Variants in PNP observed in about 807,000 individuals in gnomAD.
PNP encodes purine nucleoside phosphorylase.
A neutral mutation model predicts 26.8 loss-of-function variants in PNP; 18 were observed. That is an observed-to-expected ratio of 0.67 (90% CI 0.46 to 1.00). The LOEUF (loss-of-function observed/expected upper bound fraction) is 1.00, where lower values mean the gene tolerates loss of function less well. Ranked by LOEUF, PNP falls within the 50% of genes least tolerant of loss-of-function variation. The pLI is 0.00. For missense variants in PNP, 320 were observed against 362.9 expected (o/e 0.88, Z 0.96); for synonymous variants, 116 against 124.8 (o/e 0.93, Z 0.47).
intron 2 of PNP, 153 bp downstream of exon 2, chr14:20,472,630 G>T (rs962756941): frequency 6.4e-5 from 49 of 760,928 alleles, no homozygotes; most frequent in Non-Finnish European, 1.1e-4. Flanking sequence ...ATGAGTCAGA[G>T]TGACTTTAGG....
Position 20,476,861 on chromosome 14 carries a change from C to A in PNP, c.*260C>A. 5 of 482,390 alleles carry A rather than the reference C, an allele frequency of 1.0e-5. No individual in the cohort carries two copies. Among genetic ancestry groups the A allele is most frequent in the South Asian group, 1.0e-4 (5 of 49,104 alleles). The allele number at this position is 482,390 out of a possible 1,614,324, so 29.9% of individuals were successfully genotyped here. A position where few individuals can be genotyped will look rare whatever the true frequency, so the allele number is the denominator to read the frequency against. On this transcript the variant is annotated 3_prime_UTR_variant, in exon 6 of 6. Transcript: ENST00000361505. Reference sequence around the variant, plus strand: ...GTTCTCATTCCTGTTCTTTCTTACACAAGAGCTGGAGCCCGTGCCCTACCA... The same window carrying A: ...GTTCTCATTCCTGTTCTTTCTTACAAAAGAGCTGGAGCCCGTGCCCTACCA...
Position 20,475,155 on chromosome 14 carries a change from T to G in PNP, c.555T>G (p.Arg185=), listed in dbSNP as rs560419576. 14 of 1,614,104 alleles carry G rather than the reference T, an allele frequency of 8.7e-6. No homozygotes were observed. The South Asian group carries it at 1.5e-4, about 18-fold the overall frequency. ...CCTGGAAACAAATGGGGGAGCAACG[T>G]GAGCTACAGGAAGGCACCTATGTGA... ...LSTWKQMGEQ[R]ELQEGTYVMV... Residue 185 remains arginine, a synonymous_variant, in exon 5 of 6, where the codon CGT becomes CGG. Coordinates refer to ENST00000361505, the MANE Select transcript of PNP (RefSeq NM_000270.4).
chr14:20,470,245 T>C (rs1033455651), intron 1 of PNP, among the ~76,000 whole-genome samples: 2 of 152,252 alleles, frequency 1.3e-5, no homozygotes, highest in Non-Finnish European at 2.9e-5. Flanking sequence ...AGCCAGGGTG[T>C]TCTTGAGGGG....
At chr14:20,469,978 G>C (rs1332781279) in intron 1 of PNP, among the ~76,000 whole-genome samples, 3 of 152,182 alleles carry the variant, frequency 2.0e-5, no homozygotes, top group African/African-American at 7.2e-5. Flanking sequence ...CAAATTCGGA[G>C]TTCCTCCTTT....
rs555416658 is a variant in PNP, at chr14:20,474,056, AT to A, written c.182-413del. 32 of 233,942 alleles carry A rather than the reference AT, an allele frequency of 1.4e-4. No homozygotes were observed. The East Asian group carries it at 3.6e-3, about 27-fold the overall frequency. 14.5% of individuals were successfully genotyped at this position (233,942 alleles called of 1,614,324 possible). A position where few individuals can be genotyped will look rare whatever the true frequency, so the allele number is the denominator to read the frequency against. ...CCTTTCCGAGTCCCCAGTGTCTATT[AT>A]TTCACTCTGTAGGTCCATATGTACA... On this transcript the variant is annotated intron_variant, in intron 2 of 5. Coordinates refer to ENST00000361505, the MANE Select transcript of PNP (RefSeq NM_000270.4).
In PNP at chr14:20,474,419, T is replaced by A. The variant is rs540898614; in HGVS notation, c.182-53T>A. ...ACTCACAGTAGGTGCTTAATGGATATGTGTTGCATGAAAATATAATCCCAT... is the reference window on the plus strand; with the variant it reads ...ACTCACAGTAGGTGCTTAATGGATAAGTGTTGCATGAAAATATAATCCCAT... On this transcript the variant is annotated intron_variant, in intron 2 of 5. Transcript: ENST00000361505. 291 of 1,434,632 alleles carry A rather than the reference T, an allele frequency of 2.0e-4. 2 individuals carry two copies. The African/African-American group carries it at 3.8e-3, about 19-fold the overall frequency. 88.9% of individuals were successfully genotyped at this position (1,434,632 alleles called of 1,614,324 possible). A position where few individuals can be genotyped will look rare whatever the true frequency, so the allele number is the denominator to read the frequency against.
chr14:20,469,425 G>T lies in PNP; in HGVS notation c.-100G>T. On this transcript the variant is annotated 5_prime_UTR_variant, in exon 1 of 6. Coordinates refer to ENST00000361505, the MANE Select transcript of PNP (RefSeq NM_000270.4). Reference sequence around the variant, plus strand: ...TGAGCCAACTGTGCGAACCAGACCCGGCAGCCTTGCTCAGTTCAGCATAGC... The same window carrying T: ...TGAGCCAACTGTGCGAACCAGACCCTGCAGCCTTGCTCAGTTCAGCATAGC... The T allele has an allele frequency of 1.3e-6, 2 of 1,489,296 alleles. No individual in the cohort carries two copies. Among genetic ancestry groups the T allele is most frequent in the Non-Finnish European group, 1.8e-6 (2 of 1,091,826 alleles). The allele number at this position is 1,489,296 out of a possible 1,614,324, so 92.3% of individuals were successfully genotyped here. A position where few individuals can be genotyped will look rare whatever the true frequency, so the allele number is the denominator to read the frequency against.
Position 20,476,364 on chromosome 14 carries a change from T to G in PNP, c.653-20T>G. The G allele has an allele frequency of 6.3e-7, 1 of 1,576,316 alleles. No individual in the cohort carries two copies. The highest frequency in any genetic ancestry group is 8.7e-7 in the Non-Finnish European group (1 of 1,146,092). On this transcript the variant is annotated intron_variant, in intron 5 of 5. Coordinates refer to ENST00000361505, the MANE Select transcript of PNP (RefSeq NM_000270.4). ...TATTTGAGGATCCTGACAGTTGGTT[T>G]CCATCTTTCTCACTATCAGGCATGA...
chr14:20,470,512 T>G (rs1881964883), intron 1 of PNP: 2 of 152,238 alleles, frequency 1.3e-5, no homozygotes, highest in African/African-American at 4.8e-5. Context: ...AAGTAAAAAA[T>G]TTCCTGTGAA....
intron 2 of PNP, chr14:20,473,149 G>T (rs1271726051): frequency 6.6e-6 from 1 of 152,102 alleles, no homozygotes; most frequent in African/African-American, 2.4e-5. Context: ...TTTTTGTTTT[G>T]TTTTTTTGCA....
chr14:20,476,842 A>G lies in PNP; in HGVS notation c.*241A>G. 3 of 533,666 alleles carry G rather than the reference A, an allele frequency of 5.6e-6. No individual in the cohort carries two copies. The East Asian group carries it at 1.0e-4, about 18-fold the overall frequency. The allele number at this position is 533,666 out of a possible 1,614,324, so 33.1% of individuals were successfully genotyped here. On this transcript the variant is annotated 3_prime_UTR_variant, in exon 6 of 6. Transcript: ENST00000361505. ...GGCGCTACAAAATAAAGCTGTTCTC[A>G]TTCCTGTTCTTTCTTACACAAGAGC...
chr14:20,471,094 G>T (rs369521754), intron 1 of PNP, among the ~76,000 whole-genome samples: 14 of 151,462 alleles, frequency 9.2e-5, no homozygotes, highest in African/African-American at 3.4e-4. Flanking sequence ...TCAGTGGAGC[G>T]ATCTTGGCTC....
intron 1 of PNP, among the ~76,000 whole-genome samples, chr14:20,471,251 A>G (rs552071487): frequency 2.9e-4 from 40 of 138,616 alleles, no homozygotes; most frequent in African/African-American, 9.6e-4. Context: ...GGGTTTCAAC[A>G]TGTTAGCCAG....
intron 1 of PNP, 116 bp from the exon 2 acceptor site, chr14:20,472,192 G>C (rs1387219674): frequency 2.3e-6 from 2 of 852,864 alleles, no homozygotes; most frequent in Non-Finnish European, 4.0e-6. Flanking sequence ...CTCTGTGCCA[G>C]CTTCTCCGTC....
chr14:20,471,079 G>A (rs1881975677), intron 1 of PNP, among the ~76,000 whole-genome samples: 2 of 151,768 alleles, frequency 1.3e-5, no homozygotes, highest in Non-Finnish European at 2.9e-5. Context: ...CTCCCAGGCT[G>A]GAGTTCAGTG....
chr14:20,472,476 A>G lies in PNP; in HGVS notation c.180A>G (p.Thr60=), dbSNP rs774626138. ...YGEIPNFPRS[T]VPGHAGRLVF... Reference sequence around the variant, plus strand: ...AAATCCCCAACTTTCCCCGAAGTACAGGTACTGGCAAGGGAAAGTGGGGAA... The same window carrying G: ...AAATCCCCAACTTTCCCCGAAGTACGGGTACTGGCAAGGGAAAGTGGGGAA... Residue 60 remains threonine, a splice_region_variant and synonymous_variant, in exon 2 of 6, where the codon ACA becomes ACG. Transcript: ENST00000361505. 11 of 1,613,576 alleles carry G rather than the reference A, an allele frequency of 6.8e-6. No homozygotes were observed. The highest frequency in any genetic ancestry group is 9.3e-6 in the Non-Finnish European group (11 of 1,179,578).
In PNP at chr14:20,474,819, T is replaced by C; in HGVS notation, c.332T>C (p.Leu111Pro). The C allele has an allele frequency of 6.2e-7, 1 of 1,614,208 alleles. No homozygotes were observed. The highest frequency in any genetic ancestry group is 1.1e-5 in the South Asian group (1 of 91,090). ...RVFHLLGVDT[L>P]VVTNAAGGLN... ...TTCCACCTTCTGGGTGTGGACACCC[T>C]GGTAGTCACCAATGCAGCAGGAGGG... is the stretch of plus-strand genomic sequence containing the variant. Residue 111 changes from leucine (L) to proline (P), a missense_variant, in exon 4 of 6, where the codon CTG becomes CCG. Transcript: ENST00000361505.
rs137885634 is a variant in PNP at position 20,471,395 on chromosome 14, T to G, written c.12-913T>G. On this transcript the variant is annotated intron_variant, in intron 1 of 5. Coordinates refer to ENST00000361505, the MANE Select transcript of PNP (RefSeq NM_000270.4). The stretch of plus-strand genomic sequence containing the variant: ...AAAATTACATGGGCTTCAGAATCTG[T>G]TTTTTGTGGGGGTTTTGTGTGTGTG... Among the ~76,000 whole-genome samples, 132 of 151,420 alleles carry G rather than the reference T, an allele frequency of 8.7e-4. 1 individual carries two copies. In the East Asian group the frequency reaches 0.022, roughly 26 times the overall value.
At chr14:20,471,727 T>C (rs1881992094) in intron 1 of PNP, among the ~76,000 whole-genome samples, 1 of 152,172 alleles carries the variant, frequency 6.6e-6, no homozygotes, top group African/African-American at 2.4e-5. Flanking sequence ...AGGAAGGAAC[T>C]GGAGGAATGA....
Sources: allele counts gnomAD v4.1 joint callset (sites outside exome capture counted in the v4.1 genomes callset), GRCh38; gene constraint gnomAD v4.1.1; transcripts MANE v1.5; gene names NCBI Gene and HGNC (gene_info 2026-07-23, HGNC 2026-07-21).